Variants in VSTM1 observed in about 807,000 individuals in gnomAD.
VSTM1 encodes the protein V-set and transmembrane domain-containing protein 1.
VSTM1 carries 27 observed loss-of-function variants against 33.1 expected under a neutral mutation model. The observed-to-expected ratio is 0.82, with a 90% CI of 0.60 to 1.12. VSTM1 has a LOEUF of 1.12. Ranked by LOEUF, VSTM1 falls within the 50% of genes most tolerant of loss-of-function variation. VSTM1 has a pLI of 0.00. For missense variants in VSTM1, 304 were observed against 288.9 expected (o/e 1.05, Z -0.38); for synonymous variants, 115 against 110.3 (o/e 1.04, Z -0.27).
chr19:54,058,523 G>C lies in VSTM1; in HGVS notation c.138C>G (p.Thr46=). Residue 46 remains threonine (T), a synonymous_variant, in exon 3 of 9, where the codon ACC becomes ACG. Transcript: ENST00000338372. ...SSVVEAESNV[T]LKCQAHSQNV... is the part of the protein sequence containing the mutation. ...TCTGGGAATGAGCCTGACACTTCAG[G>C]GTCACATTGCTCTCGGCTTCAACCA... 1 of 1,614,058 alleles carries C rather than the reference G, an allele frequency of 6.2e-7. No individual in the cohort carries two copies. Among genetic ancestry groups the C allele is most frequent in the African/African-American group, 1.3e-5 (1 of 75,014 alleles).
At chr19:54,050,485 T>C (rs372414692) in intron 4 of VSTM1, among the ~76,000 whole-genome samples, 7 of 152,120 alleles carry the variant, frequency 4.6e-5, no homozygotes, top group South Asian at 2.1e-4. Context: ...ACTCCCCAAA[T>C]GGGTCACTGA....
chr19:54,044,491 C>T (rs372625683), intron 4 of VSTM1, among the ~76,000 whole-genome samples: 23 of 152,198 alleles, frequency 1.5e-4, no homozygotes, highest in East Asian at 7.7e-4. Flanking sequence ...ACCTGGGAGG[C>T]GGAGGTTGCA....
chr19:54,054,626 AATGGATGAATGGATGGATGGATGGATGG>A (rs1169808404), intron 3 of VSTM1, among the ~76,000 whole-genome samples: 1 of 106,922 alleles, frequency 9.4e-6, no homozygotes, highest in African/African-American at 2.9e-5. Context: ...CTAATAAATG[AATGGATGAATGGATGGATGGATGGATGG>A]ATGGATGGAT....
chr19:54,056,309 C>T (rs1156906123), intron 3 of VSTM1, among the ~76,000 whole-genome samples: 6 of 126,842 alleles, frequency 4.7e-5, no homozygotes, highest in South Asian at 2.7e-4. Context: ...GCAGCCTCTG[C>T]CTCTGGGGTT....
At chr19:54,060,104 G>C (rs971026974) in intron 1 of VSTM1, among the ~76,000 whole-genome samples, 1 of 147,604 alleles carries the variant, frequency 6.8e-6, no homozygotes, top group African/African-American at 2.5e-5. Flanking sequence ...CACCCGCCTC[G>C]GACTCCCAAA....
Position 54,063,874 on chromosome 19 carries a change from C to G in VSTM1, c.-97G>C. On this transcript the variant is annotated 5_prime_UTR_variant, in exon 1 of 9. Coordinates refer to ENST00000338372, the MANE Select transcript of VSTM1 (RefSeq NM_198481.4). ...GCCGCAGCTCTCCGGCTGCCCGGTT[C>G]GTCCCCAGGATGTGCAGATAGAGGA... 2 of 1,395,748 alleles carry G rather than the reference C, an allele frequency of 1.4e-6. No individual in the cohort carries two copies. Among genetic ancestry groups the G allele is most frequent in the South Asian group, 2.6e-5 (2 of 78,158 alleles). The allele number at this position is 1,395,748 out of a possible 1,614,324, so 86.5% of individuals were successfully genotyped here.
rs1167328942 is a variant in VSTM1 at position 54,052,432 on chromosome 19, G to T, written c.356-984C>A. Among the ~76,000 whole-genome samples, 7 of 141,146 alleles carry T rather than the reference G, an allele frequency of 5.0e-5. 2 individuals are homozygous for T. Among genetic ancestry groups the T allele is most frequent in the African/African-American group, 1.8e-4 (7 of 38,280 alleles). The allele number at this position is 141,146 out of a possible 152,430, so 92.6% of individuals were successfully genotyped here. A position where few individuals can be genotyped will look rare whatever the true frequency, so the allele number is the denominator to read the frequency against. On this transcript the variant is annotated intron_variant, in intron 3 of 8. Coordinates refer to ENST00000338372, the MANE Select transcript of VSTM1 (RefSeq NM_198481.4). ...ATAAAAATAAAAATAAAAATGAAAT[G>T]AAATATCACCTACTCACCAGTCCCT...
intron 4 of VSTM1, among the ~76,000 whole-genome samples, chr19:54,049,503 G>A (rs2070741777): frequency 6.6e-6 from 1 of 152,164 alleles, no homozygotes; most frequent in Middle Eastern, 3.2e-3. Flanking sequence ...TTTTTGGACT[G>A]TGAATTATAT....
rs1241365989 is a variant in VSTM1 at position 54,041,936 on chromosome 19, A to G, written c.533T>C (p.Leu178Pro). ...CTTACCGGCAGCCTCCTGCTCCGGA[A>G]GTTTGGAATGGCTGGTTCTGAAAGA... is the stretch of plus-strand genomic sequence containing the variant. ...ESTKRTSHSKLPEQEAAEADL... is the reference protein window; with the variant it reads ...ESTKRTSHSKPPEQEAAEADL... The change falls in exon 7 of 9, where the codon CTT becomes CCT. Residue 178 changes from leucine (L) to proline (P), a missense_variant. Physicochemically the swap from Leu to Pro is moderately conservative, Grantham distance 98 (BLOSUM62 -3). Transcript: ENST00000338372. 1.9e-6 allele frequency: 3 copies of G among 1,614,102 alleles called. No individual in the cohort carries two copies. Among genetic ancestry groups the G allele is most frequent in the South Asian group, 2.2e-5 (2 of 91,078 alleles).
At position 54,055,086 on chromosome 19, in the gene VSTM1, T is replaced by C. The variant is rs1348639973; in HGVS notation, c.355+3220A>G. Among the ~76,000 whole-genome samples the C allele has an allele frequency of 1.4e-5, 2 of 140,168 alleles. 1 individual carries two copies. The highest frequency in any genetic ancestry group is 3.1e-5 in the Non-Finnish European group (2 of 63,878). 92.0% of individuals were successfully genotyped at this position (140,168 alleles called of 152,430 possible). On this transcript the variant is annotated intron_variant, in intron 3 of 8. Transcript: ENST00000338372. ...CCCTCTTCCTTGGGATCTCAAGTCA[T>C]GTATGTTACAATCCTCCCACGTGCA...
intron 1 of VSTM1, among the ~76,000 whole-genome samples, chr19:54,059,059 CTTT>C (rs68002308): frequency 1.1e-4 from 11 of 104,186 alleles, no homozygotes; most frequent in Admixed American, 3.1e-4. Flanking sequence ...CTTCTTCTTT[CTTT>C]TTTTTTTTTT....
intron 8 of VSTM1, among the ~76,000 whole-genome samples, 185 bp downstream of exon 8, chr19:54,041,594 C>T (rs1271072111): frequency 6.6e-6 from 1 of 152,200 alleles, no homozygotes; most frequent in Non-Finnish European, 1.5e-5. Context: ...AGCCACCGCG[C>T]CCGGCCCATG....
chr19:54,053,984 G>A (rs551404444), intron 3 of VSTM1, among the ~76,000 whole-genome samples: 1 of 142,088 alleles, frequency 7.0e-6, no homozygotes, highest in Admixed American at 7.2e-5. Flanking sequence ...TAGGGTGAAT[G>A]GGCAGCTATT....
rs2071214492 is a variant in VSTM1, at chr19:54,058,406, G to C, written c.255C>G (p.Asp85Glu). ...ACCTCCCAGCATCCTTAGGCTTCAG[G>C]TCCGTGAAGGGGAATTCAGCTTCGT... ...AENEAEFPFTDLKPKDAGRYF... is the reference protein window; with the variant it reads ...AENEAEFPFTELKPKDAGRYF... Residue 85 changes from aspartate to glutamate, a missense_variant, in exon 3 of 9, where the codon GAC becomes GAG. Asp to Glu is a conservative substitution (Grantham distance 45). Coordinates refer to ENST00000338372, the MANE Select transcript of VSTM1 (RefSeq NM_198481.4). The C allele has an allele frequency of 6.2e-7, 1 of 1,614,072 alleles. No individual in the cohort carries two copies.
At chr19:54,042,821 T>TATGA (rs2070376344) in intron 4 of VSTM1, among the ~76,000 whole-genome samples, 1 of 50,340 alleles carries the variant, frequency 2.0e-5, no homozygotes, top group African/African-American at 5.8e-5. Flanking sequence ...TATATATATA[T>TATGA]ATATATATAT....
chr19:54,041,991 A>C (rs2070303861), intron 6 of VSTM1, 38 bp from the exon 7 acceptor site: 1 of 1,612,936 alleles, frequency 6.2e-7, no homozygotes, highest in African/African-American at 1.3e-5. Flanking sequence ...ATGGGATGTG[A>C]AGATTTCGGG....
intron 4 of VSTM1, chr19:54,048,259 G>A: frequency 4.0e-6 from 1 of 251,540 alleles, no homozygotes; most frequent in South Asian, 3.2e-5. Context: ...GGGACTACAG[G>A]TGCACACCAC....
Position 54,055,674 on chromosome 19 carries a change from C to T in VSTM1, c.355+2632G>A, listed in dbSNP as rs1240047857. 4 of 142,516 alleles carry T rather than the reference C, an allele frequency of 2.8e-5. 1 individual carries two copies. The highest frequency in any genetic ancestry group is 1.0e-4 in the African/African-American group (4 of 38,458). 8.8% of individuals were successfully genotyped at this position (142,516 alleles called of 1,614,324 possible). A position where few individuals can be genotyped will look rare whatever the true frequency, so the allele number is the denominator to read the frequency against. On this transcript the variant is annotated intron_variant, in intron 3 of 8. Transcript: ENST00000338372. The stretch of plus-strand genomic sequence containing the variant: ...CTGACTTGTAATGGTTCTGGGATCC[C>T]CATTTTCAACAGAGCAATTACAATA...
chr19:54,045,463 C>A (rs1270651889), intron 4 of VSTM1, among the ~76,000 whole-genome samples: 1 of 152,074 alleles, frequency 6.6e-6, no homozygotes, highest in East Asian at 1.9e-4. Context: ...ATGTATCTAT[C>A]TTTATCTGTC....
Sources: allele counts gnomAD v4.1 joint callset (sites outside exome capture counted in the v4.1 genomes callset), GRCh38; gene constraint gnomAD v4.1.1; transcripts MANE v1.5; gene names NCBI Gene and HGNC (gene_info 2026-07-23, HGNC 2026-07-21).